TLN2: variants seen among roughly 807,000 people sequenced by gnomAD.
The protein encoded by TLN2 is talin-2.
TLN2 carries 118 observed loss-of-function variants against 294.7 expected under a neutral mutation model. That is an observed-to-expected ratio of 0.40 (90% CI 0.34 to 0.47). The LOEUF (loss-of-function observed/expected upper bound fraction) is 0.47, where lower values mean the gene tolerates loss of function less well. Among genes scored for constraint, TLN2 ranks in the 20% least tolerant of loss-of-function variants. TLN2 has a pLI of 0.84. For synonymous variants in TLN2, 1,431 were observed against 1,304.5 expected, an observed-to-expected ratio of 1.10 and a Z score of -2.09; for missense variants, 3,083 against 3,282.2, an observed-to-expected ratio of 0.94 and a Z score of 1.48.
intron 46 of TLN2, among the ~76,000 whole-genome samples, chr15:62,793,894 G>C (rs906156466): frequency 8.6e-5 from 13 of 151,822 alleles, no homozygotes; most frequent in Non-Finnish European, 1.9e-4. Flanking sequence ...TGCCACAGAG[G>C]CTGCTCTGTC....
intron 37 of TLN2, among the ~76,000 whole-genome samples, chr15:62,758,422 G>T (rs1390442120): frequency 6.6e-6 from 1 of 152,208 alleles, no homozygotes; most frequent in African/African-American, 2.4e-5. Context: ...CTTTCATTCA[G>T]CTCATTACCT....
chr15:62,651,258 G>A (rs1455967878), intron 5 of TLN2, among the ~76,000 whole-genome samples: 6 of 152,068 alleles, frequency 3.9e-5, no homozygotes, highest in Middle Eastern at 3.2e-3. Context: ...CACTGAGGAT[G>A]GTTTTCAGTA....
intron 29 of TLN2, among the ~76,000 whole-genome samples, chr15:62,737,921 A>G (rs2061116552): frequency 6.6e-6 from 1 of 152,170 alleles, no homozygotes; most frequent in Admixed American, 6.5e-5. Context: ...GGAGAGTTCT[A>G]TGTTTGAATC....
intron 2 of TLN2, among the ~76,000 whole-genome samples, chr15:62,607,190 T>C (rs1460129352): frequency 6.6e-6 from 1 of 152,180 alleles, no homozygotes; most frequent in African/African-American, 2.4e-5. Flanking sequence ...CTATTAGACT[T>C]TCTCTTTCCT....
chr15:62,747,097 A>G (rs1434359752), intron 32 of TLN2, among the ~76,000 whole-genome samples: 1 of 152,220 alleles, frequency 6.6e-6, no homozygotes, highest in Non-Finnish European at 1.5e-5. Context: ...TTAAACAACT[A>G]TGAGCTATAT....
chr15:62,438,136 C>A (rs2035382271), intron 1 of TLN2, among the ~76,000 whole-genome samples: 1 of 152,156 alleles, frequency 6.6e-6, no homozygotes, highest in African/African-American at 2.4e-5. Context: ...GTCAAACTTA[C>A]TTCCAGGATG....
chr15:62,557,180 G>T (rs1473859822), intron 1 of TLN2, among the ~76,000 whole-genome samples: 1 of 152,138 alleles, frequency 6.6e-6, no homozygotes, highest in Non-Finnish European at 1.5e-5. Flanking sequence ...CGGGATCAAG[G>T]GTTCTCACCA....
rs1566950989 is a variant in TLN2, at chr15:62,411,428, G to GGTGT, written c.-238+20743_-238+20744insGTGT. ...TCCTCCTTAGAGAGTGTGAGTAATG[G>GGTGT]ATGTGTGTGTGTGTGTGTGTGTGTG... On this transcript the variant is annotated intron_variant, in intron 1 of 58. Transcript: ENST00000636159. Among the ~76,000 whole-genome samples the GGTGT allele has an allele frequency of 7.0e-5, 5 of 71,776 alleles. No individual in the cohort carries two copies. The South Asian group carries it at 2.4e-3, about 35-fold the overall frequency. 47.1% of individuals were successfully genotyped at this position (71,776 alleles called of 152,430 possible). A position where few individuals can be genotyped will look rare whatever the true frequency, so the allele number is the denominator to read the frequency against.
intron 1 of TLN2, among the ~76,000 whole-genome samples, chr15:62,399,400 G>C (rs987064872): frequency 1.3e-5 from 2 of 151,816 alleles, no homozygotes. Context: ...CCCACACAGA[G>C]TCCCCATTGG....
intron 1 of TLN2, among the ~76,000 whole-genome samples, chr15:62,445,522 C>T (rs1479331289): frequency 6.6e-6 from 1 of 152,124 alleles, no homozygotes; most frequent in Non-Finnish European, 1.5e-5. Context: ...TCAGGCCTTA[C>T]ATAGTGTATA....
chr15:62,613,005 G>T (rs997006755), intron 2 of TLN2, among the ~76,000 whole-genome samples: 1 of 152,134 alleles, frequency 6.6e-6, no homozygotes, highest in Non-Finnish European at 1.5e-5. Flanking sequence ...TGGTAGCAGG[G>T]GATACAGGAG....
At chr15:62,634,360 C>G (rs1415222842) in intron 3 of TLN2, among the ~76,000 whole-genome samples, 2 of 152,054 alleles carry the variant, frequency 1.3e-5, no homozygotes, top group African/African-American at 4.8e-5. Context: ...CTGTGCAGTT[C>G]TTCTGTTATT....
At chr15:62,424,680 T>A (rs538553124) in intron 1 of TLN2, among the ~76,000 whole-genome samples, 1 of 151,844 alleles carries the variant, frequency 6.6e-6, no homozygotes, top group South Asian at 2.1e-4. Flanking sequence ...TGAGATAGAG[T>A]CTTTCTCTGT....
chr15:62,748,448 G>A lies in TLN2; in HGVS notation c.4119+4G>A. The A allele has an allele frequency of 6.2e-7, 1 of 1,612,502 alleles. No individual in the cohort carries two copies. The highest frequency in any genetic ancestry group is 8.5e-7 in the Non-Finnish European group (1 of 1,179,086). ...TAATGCCCTGCGGGAGCTCGAGGTAGGTCCCTGGGAAGGCTGCTGAGGACT... is the reference window on the plus strand; with the variant it reads ...TAATGCCCTGCGGGAGCTCGAGGTAAGTCCCTGGGAAGGCTGCTGAGGACT... On this transcript the variant is annotated splice_donor_region_variant and intron_variant, in intron 33 of 58. Coordinates refer to ENST00000636159, the MANE Select transcript of TLN2 (RefSeq NM_015059.3).
At chr15:62,516,821 C>G (rs2040215907) in intron 1 of TLN2, among the ~76,000 whole-genome samples, 1 of 152,096 alleles carries the variant, frequency 6.6e-6, no homozygotes, top group Non-Finnish European at 1.5e-5. Flanking sequence ...TTTGGGGCTG[C>G]TTATTTAAGA....
intron 1 of TLN2, among the ~76,000 whole-genome samples, chr15:62,531,842 A>G (rs1030151161): frequency 6.6e-6 from 1 of 152,030 alleles, no homozygotes; most frequent in Admixed American, 6.6e-5. Context: ...TTCATCCCCA[A>G]ATCATTATCT....
intron 22 of TLN2, among the ~76,000 whole-genome samples, chr15:62,713,283 A>C (rs1397196964): frequency 2.6e-4 from 39 of 150,628 alleles, no homozygotes; most frequent in African/African-American, 8.6e-4. Flanking sequence ...AAAAAAAAAA[A>C]AAAAAACAAA....
chr15:62,776,994 C>G, intron 43 of TLN2, 84 bp downstream of exon 43: 1 of 1,255,594 alleles, frequency 8.0e-7, no homozygotes, highest in Non-Finnish European at 1.0e-6. Context: ...TGTCAAGGCT[C>G]ATAGCAACAA....
chr15:62,727,042 G>A (rs369783052), intron 27 of TLN2, 45 bp from the exon 28 acceptor site: 4 of 1,590,898 alleles, frequency 2.5e-6, no homozygotes, highest in Non-Finnish European at 3.4e-6. Context: ...CTCAGCAGAT[G>A]TTCCTTTTCT....
Sources: gnomAD v4.1 joint callset for allele counts (sites outside exome capture counted in the v4.1 genomes callset) on GRCh38, gnomAD v4.1.1 for gene constraint, MANE v1.5 for transcripts, NCBI Gene and HGNC (gene_info 2026-07-23, HGNC 2026-07-21) for gene names.